The following MYO15A variants were observed in gnomAD, a reference collection of about 807,000 sequenced individuals.
MYO15A encodes the protein myosin XVA.
A neutral mutation model predicts 394.6 loss-of-function variants in MYO15A; 308 were observed. The ratio of observed to expected loss-of-function variants is 0.78; its 90% CI spans 0.71 to 0.86. The LOEUF is 0.86. Ranked by LOEUF, MYO15A falls within the 40% of genes least tolerant of loss-of-function variation. MYO15A has a pLI of 0.00. For synonymous variants in MYO15A, 1,957 were observed against 2,003.8 expected (o/e 0.98, Z 0.62); for missense variants, 4,606 against 4,799.1 (o/e 0.96, Z 1.19).
chr17:18,125,231 C>T lies in MYO15A; in HGVS notation c.3756C>T (p.Tyr1252=), dbSNP rs59933498. 1,532 of 1,614,070 alleles carry T rather than the reference C, an allele frequency of 9.5e-4. 9 individuals are homozygous for T. In the African/African-American group the frequency reaches 0.015, roughly 15 times the overall value. ...TTAGATTTGAACGGAACCTCATCTA[C>T]GTAAGGCCTGGGGCTGGCCCTGCCC... ...LKIRFERNLI[Y]TYIGSILVSV... Residue 1252 remains tyrosine (Y), a splice_region_variant and synonymous_variant, in exon 4 of 66, where the codon TAC becomes TAT. Coordinates refer to ENST00000647165, the MANE Select transcript of MYO15A (RefSeq NM_016239.4).
chr17:18,158,853 C>T (rs2142392022), intron 52 of MYO15A, 72 bp from the exon 53 acceptor site: 3 of 1,580,320 alleles, frequency 1.9e-6, no homozygotes, highest in African/African-American at 1.3e-5. Context: ...CCTGGGGGTT[C>T]TTTCCCATGT....
At chr17:18,129,686 C>T (rs1222966675) in intron 7 of MYO15A, among the ~76,000 whole-genome samples, 1 of 152,158 alleles carries the variant, frequency 6.6e-6, no homozygotes, top group Admixed American at 6.5e-5. Context: ...TGTCATTTCA[C>T]CTCTCTAAGC....
chr17:18,119,071 C>A lies in MYO15A; in HGVS notation c.271C>A (p.Arg91Ser), dbSNP rs774557155. ...KSTSKLMTQM[R>S]MGKKKRAMKG... is the part of the protein sequence containing the mutation. ...CACGTCAAAGCTCATGACGCAGATG[C>A]GCATGGGCAAGAAGAAGCGGGCGAT... Residue 91 changes from arginine (R) to serine (S), a missense_variant, in exon 2 of 66, where the codon CGC becomes AGC. This residue lies in a region of MYO15A where 1,830 missense variants were observed against 1,689.7 expected (regional missense o/e 1.08). Transcript: ENST00000647165. The A allele has an allele frequency of 6.2e-7, 1 of 1,611,850 alleles. No homozygotes were observed. Among genetic ancestry groups the A allele is most frequent in the African/African-American group, 1.3e-5 (1 of 74,912 alleles).
In MYO15A at chr17:18,178,798, G is replaced by A. The variant is rs757948367; in HGVS notation, c.10521G>A (p.Val3507=). The change falls in exon 66 of 66, where the codon GTG becomes GTA. Residue 3507 remains valine (V), a synonymous_variant. Transcript: ENST00000647165. ...QGLELCRVVA[V]HVENLLSAHE... ...TGGAACTGTGTCGTGTGGTGGCCGT[G>A]CACGTGGAGAACCTGCTCAGTGCCC... The A allele has an allele frequency of 6.2e-7, 1 of 1,614,012 alleles. No individual in the cohort carries two copies. Among genetic ancestry groups the A allele is most frequent in the East Asian group, 2.2e-5 (1 of 44,870 alleles).
chr17:18,156,899 C>T (rs942350894), intron 48 of MYO15A, 55 bp from the exon 49 acceptor site: 62 of 1,506,314 alleles, frequency 4.1e-5, no homozygotes, highest in Non-Finnish European at 5.6e-5. Flanking sequence ...GGCCCTAGGC[C>T]TCTGGGAGTG....
In MYO15A at chr17:18,156,499, T is replaced by G. The variant is rs2046677806; in HGVS notation, c.8601+163T>G. ...TGGAATACCCTTTCTCCCTTTTGCC[T>G]GCTCCTTCAGAAAACCTTTGCCAGT... On this transcript the variant is annotated intron_variant, in intron 48 of 65. Transcript: ENST00000647165. Among the ~76,000 whole-genome samples the G allele has an allele frequency of 2.0e-5, 3 of 152,246 alleles. No homozygotes were observed. In the South Asian group the frequency reaches 6.2e-4, roughly 31 times the overall value.
At chr17:18,135,682 A>C in intron 12 of MYO15A, 29 bp from the exon 13 acceptor site, 3 of 1,605,564 alleles carry the variant, frequency 1.9e-6, no homozygotes, top group Non-Finnish European at 2.6e-6. Context: ...ATCTAGTTCA[A>C]AGCACATTCC....
chr17:18,127,282 C>A (rs548204271), intron 7 of MYO15A, 117 bp downstream of exon 7: 3 of 1,269,640 alleles, frequency 2.4e-6, no homozygotes, highest in Non-Finnish European at 3.3e-6. Context: ...AGGCTGAGTT[C>A]CAGAAGGGGG....
In MYO15A at chr17:18,119,973, C is replaced by T; in HGVS notation, c.1173C>T (p.Ala391=). 1 of 1,613,734 alleles carries T rather than the reference C, an allele frequency of 6.2e-7. No homozygotes were observed. Among genetic ancestry groups the T allele is most frequent in the Non-Finnish European group, 8.5e-7 (1 of 1,180,024 alleles). Reference sequence around the variant, plus strand: ...GCGTCTATGGCGGTGGGGACGAGGCCATCTACCCCCCCGAGGTGCCCTATT... The same window carrying T: ...GCGTCTATGGCGGTGGGGACGAGGCTATCTACCCCCCCGAGGTGCCCTATT... ...AEGVYGGGDE[A]IYPPEVPYFY... is the part of the protein sequence containing the mutation. Residue 391 remains alanine, a synonymous_variant, in exon 2 of 66, where the codon GCC becomes GCT. Coordinates refer to ENST00000647165, the MANE Select transcript of MYO15A (RefSeq NM_016239.4).
At position 18,153,872 on chromosome 17, in the gene MYO15A, C is replaced by CT. The variant is rs1567654885; in HGVS notation, c.8065dup (p.Trp2689LeufsTer23). ...ACTTCTACGGCTATCAGGACGCCCCCTGGAAGATCTTCCTGCGCAAAGAGG... is the reference window on the plus strand; with the variant it reads ...ACTTCTACGGCTATCAGGACGCCCCCTTGGAAGATCTTCCTGCGCAAAGAGG... On this transcript the variant is annotated frameshift_variant, in exon 43 of 66. Transcript: ENST00000647165. LOFTEE classifies it high-confidence loss of function. This position sits in a 1 kb window ranked among gnomAD's most constrained non-coding sequence, Gnocchi z 4.1. 1.2e-6 allele frequency: 2 copies of CT among 1,613,718 alleles called. No homozygotes were observed. Among genetic ancestry groups the CT allele is most frequent in the Non-Finnish European group, 1.7e-6 (2 of 1,180,030 alleles).
intron 3 of MYO15A, 135 bp from the exon 4 acceptor site, chr17:18,125,033 T>C (rs1396024267): frequency 2.4e-6 from 2 of 837,488 alleles, no homozygotes; most frequent in Non-Finnish European, 4.2e-6. Context: ...GTCCAAGGTC[T>C]CCTAGCTGGT....
chr17:18,146,121 G>C lies in MYO15A; in HGVS notation c.6509+14G>C. 1 of 1,612,910 alleles carries C rather than the reference G, an allele frequency of 6.2e-7. No individual in the cohort carries two copies. The highest frequency in any genetic ancestry group is 8.5e-7 in the Non-Finnish European group (1 of 1,179,432). ...GTACCTTCTCAAGTGAGTGGGACTG[G>C]ATAGGGGCTGGGACACGAGGGACGG... On this transcript the variant is annotated intron_variant, in intron 30 of 65. Coordinates refer to ENST00000647165, the MANE Select transcript of MYO15A (RefSeq NM_016239.4).
Position 18,126,405 on chromosome 17 carries a change from G to T in MYO15A, c.3815G>T (p.Gly1272Val). Reference protein sequence around the residue: ...VNPYQMFGIYGPEQVQQYNGR... With the variant: ...VNPYQMFGIYVPEQVQQYNGR... ...CCATACCAAATGTTTGGAATCTATG[G>T]GCCGGAGCAGGTGCAGCAGTACAAC... Residue 1272 changes from glycine to valine, a missense_variant, in exon 5 of 66, where the codon GGG becomes GTG. Gly to Val is a moderately radical substitution (Grantham distance 109). Coordinates refer to ENST00000647165, the MANE Select transcript of MYO15A (RefSeq NM_016239.4). 1 of 1,613,982 alleles carries T rather than the reference G, an allele frequency of 6.2e-7. No homozygotes were observed.
intron 2 of MYO15A, 162 bp downstream of exon 2, chr17:18,122,571 A>G: frequency 8.8e-7 from 1 of 1,130,062 alleles, no homozygotes; most frequent in Non-Finnish European, 1.2e-6. Context: ...GACCTCCCAG[A>G]ACCTCTGGAG....
chr17:18,120,158 C>CT lies in MYO15A; in HGVS notation c.1358_1359insT (p.Ser454GlnfsTer12). 6.2e-7 allele frequency: 1 copy of CT among 1,612,932 alleles called. No homozygotes were observed. The highest frequency in any genetic ancestry group is 8.5e-7 in the Non-Finnish European group (1 of 1,179,988). ...CGTCAGGGGACCTCCTTCCGCCTGC[C>CT]CAGCGCCGCCTTCTTCGAGCAGCAA... On this transcript the variant is annotated frameshift_variant, in exon 2 of 66. Transcript: ENST00000647165. LOFTEE classifies it high-confidence loss of function.
intron 7 of MYO15A, among the ~76,000 whole-genome samples, chr17:18,127,642 A>G (rs934791203): frequency 1.8e-4 from 27 of 152,038 alleles, no homozygotes; most frequent in Non-Finnish European, 2.6e-4. Context: ...AGCTTTGCTG[A>G]CAAAGACAGT....
At position 18,171,626 on chromosome 17, in the gene MYO15A, C is replaced by T. The variant is rs561459526; in HGVS notation, c.10083-12C>T. ...CTCACTCAGGACCTTTTTCCCCTTC[C>T]TCCGTACACAGGCGGGAAGTCCAGG... On this transcript the variant is annotated splice_polypyrimidine_tract_variant and intron_variant, in intron 62 of 65. Transcript: ENST00000647165. The T allele has an allele frequency of 9.3e-6, 15 of 1,613,882 alleles. No individual in the cohort carries two copies. Among genetic ancestry groups the T allele is most frequent in the South Asian group, 8.8e-5 (8 of 91,090 alleles).
chr17:18,120,509 CCT>C lies in MYO15A; in HGVS notation c.1711_1712del (p.Ser571AlafsTer408). 6.3e-7 allele frequency: 1 copy of C among 1,580,456 alleles called. No individual in the cohort carries two copies. The highest frequency in any genetic ancestry group is 8.6e-7 in the Non-Finnish European group (1 of 1,166,540). On this transcript the variant is annotated frameshift_variant, in exon 2 of 66. Transcript: ENST00000647165. LOFTEE classifies it high-confidence loss of function. ...GGCCGCCCCGTGCCTCGCCCTGCCACCTCGCTTGCGCGGTTCCTCAAGAAGAC... is the reference window on the plus strand; with the variant it reads ...GGCCGCCCCGTGCCTCGCCCTGCCACCGCTTGCGCGGTTCCTCAAGAAGAC...
intron 1 of MYO15A, among the ~76,000 whole-genome samples, chr17:18,112,009 A>C (rs182751594): frequency 6.6e-6 from 1 of 152,318 alleles, no homozygotes; most frequent in Admixed American, 6.5e-5. Context: ...CAGGTTCTTC[A>C]TCTGGACAAT....
Sources: allele counts gnomAD v4.1 joint callset (sites outside exome capture counted in the v4.1 genomes callset), GRCh38; gene constraint gnomAD v4.1.1; regional missense constraint gnomAD v4.1.1; non-coding constraint Gnocchi (gnomAD v3.1); transcripts MANE v1.5; gene names NCBI Gene and HGNC (gene_info 2026-07-23, HGNC 2026-07-21).